Variants in MMP16 observed in about 807,000 individuals in gnomAD.
MMP16 encodes matrix metallopeptidase 16, also known as matrix metalloproteinase-16.
In MMP16, 12 loss-of-function variants were observed where a neutral mutation model predicts 67.8. The observed-to-expected ratio is 0.18, with a 90% CI of 0.11 to 0.29. The LOEUF is 0.29. Ranked by LOEUF, MMP16 falls within the 10% of genes least tolerant of loss-of-function variation. The probability of loss-of-function intolerance (pLI) is 1.00; values close to 1 mark genes in which losing one functional copy is unlikely to be tolerated. For synonymous variants in MMP16, 249 were observed against 255.9 expected, an observed-to-expected ratio of 0.97 and a Z score of 0.26; for missense variants, 475 against 765.7, an observed-to-expected ratio of 0.62 and a Z score of 4.48.
intron 2 of MMP16, among the ~76,000 whole-genome samples, chr8:88,191,411 A>G (rs1474314519): frequency 1.3e-5 from 2 of 152,200 alleles, no homozygotes; most frequent in East Asian, 3.9e-4. Flanking sequence ...TTAACTTACA[A>G]TTCTAATTCT....
intron 4 of MMP16, among the ~76,000 whole-genome samples, chr8:88,142,974 T>G (rs1808236292): frequency 6.6e-6 from 1 of 152,210 alleles, no homozygotes. Context: ...CTCATCTGTA[T>G]GAAATGGAGA....
chr8:88,303,103 A>G (rs988820962), intron 1 of MMP16, among the ~76,000 whole-genome samples: 6 of 152,200 alleles, frequency 3.9e-5, no homozygotes, highest in Non-Finnish European at 7.3e-5. Context: ...CTGCTCAGGC[A>G]CACACAGAGA....
At chr8:88,079,661 T>C (rs1364185100) in intron 6 of MMP16, among the ~76,000 whole-genome samples, 1 of 152,148 alleles carries the variant, frequency 6.6e-6, no homozygotes, top group African/African-American at 2.4e-5. Flanking sequence ...GATCTGAATG[T>C]TTGTGTCCCT....
intron 4 of MMP16, among the ~76,000 whole-genome samples, chr8:88,164,037 T>C (rs1257767113): frequency 7.2e-5 from 11 of 152,046 alleles, no homozygotes; most frequent in Non-Finnish European, 1.6e-4. Context: ...TATTAGCAAA[T>C]TGATAGGAAA....
chr8:88,214,643 A>T (rs950933968), intron 1 of MMP16, among the ~76,000 whole-genome samples: 1 of 152,214 alleles, frequency 6.6e-6, no homozygotes, highest in Non-Finnish European at 1.5e-5. Context: ...TGTGATGAGA[A>T]CATTTAAAAT....
intron 3 of MMP16, among the ~76,000 whole-genome samples, chr8:88,185,615 G>T (rs902308720): frequency 6.6e-6 from 1 of 152,134 alleles, no homozygotes; most frequent in Admixed American, 6.6e-5. Context: ...CACATAATCT[G>T]ACAGATGATT....
At chr8:88,256,688 A>T (rs62524504) in intron 1 of MMP16, among the ~76,000 whole-genome samples, 34,030 of 96,602 alleles carry the variant, frequency 0.35, 3,970 homozygotes, top group South Asian at 0.47. Context: ...TCTCTCTCAC[A>T]CACACACACA....
intron 1 of MMP16, among the ~76,000 whole-genome samples, chr8:88,200,339 G>A (rs568975294): frequency 6.6e-6 from 1 of 152,036 alleles, no homozygotes; most frequent in South Asian, 2.1e-4. Flanking sequence ...AAAATATCAA[G>A]GGACAAACAA....
chr8:88,292,028 T>C (rs1211638112), intron 1 of MMP16, among the ~76,000 whole-genome samples: 1 of 152,172 alleles, frequency 6.6e-6, no homozygotes, highest in East Asian at 1.9e-4. Context: ...GGAGATATTA[T>C]TTTAAGTTAG....
intron 4 of MMP16, among the ~76,000 whole-genome samples, chr8:88,147,996 A>G (rs2118518936): frequency 6.6e-6 from 1 of 152,116 alleles, no homozygotes; most frequent in African/African-American, 2.4e-5. Flanking sequence ...CTAACCTTTC[A>G]CATTTCCTAT....
intron 4 of MMP16, among the ~76,000 whole-genome samples, chr8:88,121,863 C>T (rs1743104375): frequency 6.6e-6 from 1 of 152,042 alleles, no homozygotes; most frequent in Non-Finnish European, 1.5e-5. Flanking sequence ...CAAGTTCCTT[C>T]ACCCTTCCAT....
intron 6 of MMP16, among the ~76,000 whole-genome samples, chr8:88,091,310 G>C (rs1808931920): frequency 6.6e-6 from 1 of 151,556 alleles, no homozygotes; most frequent in Non-Finnish European, 1.5e-5. Flanking sequence ...TTCTTCCTTA[G>C]TCAGATTCTG....
At chr8:88,100,009 T>C (rs1159905169) in intron 6 of MMP16, among the ~76,000 whole-genome samples, 1 of 151,874 alleles carries the variant, frequency 6.6e-6, no homozygotes, top group African/African-American at 2.4e-5. Context: ...GATGAGTAGA[T>C]TGCAAAAATT....
At chr8:88,068,481 CA>C (rs1278125519) in intron 7 of MMP16, among the ~76,000 whole-genome samples, 1 of 152,020 alleles carries the variant, frequency 6.6e-6, no homozygotes, top group Non-Finnish European at 1.5e-5. Context: ...ATTAAGGTCA[CA>C]AACTTTTGTA....
chr8:88,203,576 G>A (rs543603803), intron 1 of MMP16, among the ~76,000 whole-genome samples: 1 of 152,280 alleles, frequency 6.6e-6, no homozygotes, highest in Non-Finnish European at 1.5e-5. Context: ...GAGTTCCACA[G>A]TGCAAAGAGT....
chr8:88,249,407 G>C (rs1360085456), intron 1 of MMP16, among the ~76,000 whole-genome samples: 1 of 152,008 alleles, frequency 6.6e-6, no homozygotes, highest in African/African-American at 2.4e-5. Flanking sequence ...AAAGGAAGCA[G>C]GGTAATGGTT....
Position 88,167,799 on chromosome 8 carries a change from A to G in MMP16, c.579T>C (p.His193=). The G allele has an allele frequency of 6.2e-7, 1 of 1,614,046 alleles. No individual in the cohort carries two copies. ...CTCCATCAAAGGGAGAGCTGTCCCC[A>G]TGGAAACCAGATGCAAAAATAATGG... The part of the protein sequence containing the change: ...DITIIFASGF[H]GDSSPFDGEG... Residue 193 remains histidine (H), a synonymous_variant, in exon 4 of 10, where the codon CAT becomes CAC. Coordinates refer to ENST00000286614, the MANE Select transcript of MMP16 (RefSeq NM_005941.5).
At chr8:88,278,360 G>T (rs1286190522) in intron 1 of MMP16, among the ~76,000 whole-genome samples, 1 of 152,228 alleles carries the variant, frequency 6.6e-6, no homozygotes, top group African/African-American at 2.4e-5. Context: ...GGCCACATTT[G>T]GTTCTAAGAC....
intron 1 of MMP16, among the ~76,000 whole-genome samples, chr8:88,206,394 C>A (rs1301002711): frequency 1.3e-5 from 2 of 152,130 alleles, no homozygotes; most frequent in Non-Finnish European, 2.9e-5. Flanking sequence ...TGCATGTTCT[C>A]CCCATGTTTG....
Sources: allele counts gnomAD v4.1 joint callset (sites outside exome capture counted in the v4.1 genomes callset), GRCh38; gene constraint gnomAD v4.1.1; transcripts MANE v1.5; gene names NCBI Gene and HGNC (gene_info 2026-07-23, HGNC 2026-07-21).